Variants in CLOCK observed in about 807,000 individuals in gnomAD.
CLOCK encodes clock circadian regulator.
A neutral mutation model predicts 118.4 loss-of-function variants in CLOCK; 43 were observed. The ratio of observed to expected loss-of-function variants is 0.36; its 90% CI spans 0.28 to 0.47. The LOEUF (loss-of-function observed/expected upper bound fraction) is 0.47. Ranked by LOEUF, CLOCK falls within the 20% of genes least tolerant of loss-of-function variation. The pLI is 1.00. For missense variants in CLOCK, 846 were observed against 999.9 expected (o/e 0.85, Z 2.08); for synonymous variants, 326 against 339.2 (o/e 0.96, Z 0.43).
Position 55,479,671 on chromosome 4 carries a change from C to T in CLOCK, c.76G>A (p.Val26Met), listed in dbSNP as rs772717371. The T allele has an allele frequency of 1.2e-6, 2 of 1,612,740 alleles. No individual in the cohort carries two copies. The highest frequency in any genetic ancestry group is 2.7e-5 in the African/African-American group (2 of 74,882). The change falls in exon 5 of 23, where the codon GTG becomes ATG. Residue 26 changes from valine to methionine, a missense_variant. Transcript: ENST00000513440. ...RDDSSIFDGL[V>M]EEDDKDKAKR... ...GCTTTGTCCTTGTCATCTTCTTCCA[C>T]CAACCCATCAAAAATACTACTGTCA... is the stretch of plus-strand genomic sequence containing the variant.
chr4:55,507,990 G>A (rs1226528171), intron 2 of CLOCK, among the ~76,000 whole-genome samples: 2 of 152,164 alleles, frequency 1.3e-5, no homozygotes, highest in African/African-American at 2.4e-5. Flanking sequence ...TAGATTCAGA[G>A]TGGTAAATGT....
At chr4:55,456,094 T>A in intron 12 of CLOCK, 91 bp from the exon 13 acceptor site, 2 of 1,362,952 alleles carry the variant, frequency 1.5e-6, no homozygotes, top group Non-Finnish European at 2.0e-6. Context: ...GGGGCTTTAT[T>A]TTTCAAAAAA....
intron 15 of CLOCK, among the ~76,000 whole-genome samples, chr4:55,451,307 A>C (rs1394137740): frequency 6.6e-6 from 1 of 152,206 alleles, no homozygotes; most frequent in Non-Finnish European, 1.5e-5. Flanking sequence ...TTTCAGCTGA[A>C]TCTGATACAG....
At chr4:55,508,191 T>C (rs1218239658) in intron 2 of CLOCK, among the ~76,000 whole-genome samples, 1 of 152,242 alleles carries the variant, frequency 6.6e-6, no homozygotes, top group Non-Finnish European at 1.5e-5. Context: ...GAACTACTTT[T>C]GTTTCATTGA....
intron 2 of CLOCK, among the ~76,000 whole-genome samples, chr4:55,502,610 C>A (rs1183024720): frequency 6.6e-6 from 1 of 152,084 alleles, no homozygotes; most frequent in Admixed American, 6.6e-5. Context: ...ATCTTCTTGG[C>A]TTTAGGGTAG....
intron 1 of CLOCK, among the ~76,000 whole-genome samples, chr4:55,522,760 C>G (rs761791955): frequency 2.6e-5 from 4 of 152,124 alleles, no homozygotes; most frequent in Admixed American, 6.5e-5. Flanking sequence ...GTATGCATCT[C>G]CATATACAAC....
At chr4:55,539,956 T>C (rs865982916) in intron 1 of CLOCK, among the ~76,000 whole-genome samples, 2 of 151,290 alleles carry the variant, frequency 1.3e-5, no homozygotes, top group African/African-American at 4.9e-5. Flanking sequence ...AGATAGATAA[T>C]CAAGAAGATT....
intron 1 of CLOCK, among the ~76,000 whole-genome samples, chr4:55,537,373 C>T (rs1170808894): frequency 6.6e-6 from 1 of 152,070 alleles, no homozygotes; most frequent in Admixed American, 6.5e-5. Flanking sequence ...AATCCTAGCA[C>T]TTTGGGAGGC....
At chr4:55,461,566 A>G (rs1725348133) in intron 9 of CLOCK, among the ~76,000 whole-genome samples, 1 of 152,170 alleles carries the variant, frequency 6.6e-6, no homozygotes, top group South Asian at 2.1e-4. Flanking sequence ...CCTAGGAATG[A>G]AACTGAGGAG....
intron 2 of CLOCK, among the ~76,000 whole-genome samples, chr4:55,507,887 A>G (rs1455163776): frequency 6.6e-6 from 1 of 152,080 alleles, no homozygotes; most frequent in Non-Finnish European, 1.5e-5. Context: ...CACAGAACCC[A>G]CTCTTAGGAA....
chr4:55,501,424 C>CT (rs202012341), intron 2 of CLOCK, among the ~76,000 whole-genome samples: 8 of 150,610 alleles, frequency 5.3e-5, no homozygotes, highest in South Asian at 2.1e-4. Context: ...AAATTTCTGT[C>CT]TTTTTTTTTA....
intron 1 of CLOCK, among the ~76,000 whole-genome samples, chr4:55,519,593 C>T (rs1262684695): frequency 6.6e-6 from 1 of 151,980 alleles, no homozygotes; most frequent in Non-Finnish European, 1.5e-5. Context: ...TCGAGACCAG[C>T]CTGACCAACA....
chr4:55,488,433 G>C (rs1033642920), intron 3 of CLOCK, among the ~76,000 whole-genome samples: 15 of 152,136 alleles, frequency 9.9e-5, no homozygotes, highest in Non-Finnish European at 1.8e-4. Context: ...TGTCCAAAAT[G>C]TCATATACTT....
At position 55,478,533 on chromosome 4, in the gene CLOCK, C is replaced by T. The variant is rs371710568; in HGVS notation, c.256+282G>A. On this transcript the variant is annotated intron_variant, in intron 6 of 22. Transcript: ENST00000513440. Reference sequence around the variant, plus strand: ...GTTTTTGCTGCAAACAGTTTACAAGCACTACTCACATTTGTAATTATGTGC... The same window carrying T: ...GTTTTTGCTGCAAACAGTTTACAAGTACTACTCACATTTGTAATTATGTGC... Among the ~76,000 whole-genome samples, 49 of 152,272 alleles carry T rather than the reference C, an allele frequency of 3.2e-4. 1 individual carries two copies. In the South Asian group the frequency reaches 9.5e-3, roughly 30 times the overall value.
chr4:55,471,129 C>T (rs192316036), intron 7 of CLOCK, among the ~76,000 whole-genome samples: 22 of 152,200 alleles, frequency 1.4e-4, no homozygotes, highest in African/African-American at 5.3e-4. Flanking sequence ...TTTGAAGATG[C>T]TAATGTCTCC....
At position 55,429,467 on chromosome 4, in the gene CLOCK, T is replaced by C. The variant is rs1267105205; in HGVS notation, c.*5948A>G. Reference sequence around the variant, plus strand: ...CACTGCTTTACTGGGCAGTGCTGTGTATGGAAGTTTTGTTTTGTTTTCAAA... The same window carrying C: ...CACTGCTTTACTGGGCAGTGCTGTGCATGGAAGTTTTGTTTTGTTTTCAAA... On this transcript the variant is annotated 3_prime_UTR_variant, in exon 23 of 23. Coordinates refer to ENST00000513440, the MANE Select transcript of CLOCK (RefSeq NM_004898.4). The C allele has an allele frequency of 2.0e-5, 3 of 152,170 alleles. No homozygotes were observed. Among genetic ancestry groups the C allele is most frequent in the Admixed American group, 2.0e-4 (3 of 15,274 alleles). 9.4% of individuals were successfully genotyped at this position (152,170 alleles called of 1,614,324 possible).
chr4:55,511,562 T>C (rs1729146785), intron 1 of CLOCK, among the ~76,000 whole-genome samples: 1 of 152,148 alleles, frequency 6.6e-6, no homozygotes, highest in Non-Finnish European at 1.5e-5. Flanking sequence ...GCCTTCCCCA[T>C]ATTCAACATT....
rs1197149630 is a variant in CLOCK, at chr4:55,429,580, G to C, written c.*5835C>G. 2.0e-5 allele frequency: 3 copies of C among 152,146 alleles called. No individual in the cohort carries two copies. Among genetic ancestry groups the C allele is most frequent in the Non-Finnish European group, 4.4e-5 (3 of 68,026 alleles). The allele number at this position is 152,146 out of a possible 1,614,324, so 9.4% of individuals were successfully genotyped here. ...GTATACATTATTCCGCCAAATTTAA[G>C]AACTTTAAATGGATTTTAATATGGA... On this transcript the variant is annotated 3_prime_UTR_variant, in exon 23 of 23. Transcript: ENST00000513440.
At chr4:55,435,787 G>A (rs1354055647) in intron 22 of CLOCK, among the ~76,000 whole-genome samples, 193 bp from the exon 23 acceptor site, 1 of 152,174 alleles carries the variant, frequency 6.6e-6, no homozygotes, top group Non-Finnish European at 1.5e-5. Context: ...CTGAAAGTAT[G>A]AGAGAGTTTC....
Sources: gnomAD v4.1 joint callset for allele counts (sites outside exome capture counted in the v4.1 genomes callset) on GRCh38, gnomAD v4.1.1 for gene constraint, MANE v1.5 for transcripts, NCBI Gene and HGNC (gene_info 2026-07-23, HGNC 2026-07-21) for gene names.